Variants in BCAS3 observed in about 807,000 individuals in gnomAD.
The protein encoded by BCAS3 is BCAS3 microtubule associated cell migration factor.
A neutral mutation model predicts 116.1 loss-of-function variants in BCAS3; 53 were observed. The ratio of observed to expected loss-of-function variants is 0.46; its 90% CI spans 0.37 to 0.57. The LOEUF (loss-of-function observed/expected upper bound fraction) is 0.57, where lower values mean the gene tolerates loss of function less well. Among genes scored for constraint, BCAS3 ranks in the 20% least tolerant of loss-of-function variants. BCAS3 has a pLI of 0.00. For synonymous variants in BCAS3, 391 were observed against 408.2 expected, an observed-to-expected ratio of 0.96 and a Z score of 0.51; for missense variants, 917 against 1,165.4, an observed-to-expected ratio of 0.79 and a Z score of 3.10.
intron 23 of BCAS3, among the ~76,000 whole-genome samples, chr17:61,372,022 GC>G (rs1392948534): frequency 2.6e-5 from 4 of 152,144 alleles, no homozygotes; most frequent in Admixed American, 6.6e-5. Flanking sequence ...ATATCCTTCT[GC>G]CCCTTGCCCC....
At chr17:61,375,212 C>T (rs2059271171) in intron 23 of BCAS3, among the ~76,000 whole-genome samples, 1 of 84,836 alleles carries the variant, frequency 1.2e-5, no homozygotes, top group Non-Finnish European at 2.7e-5. Context: ...GACCTAAAAG[C>T]ACTATTTGTG....
In BCAS3 at chr17:61,220,972, C is replaced by A. The variant is rs891790551; in HGVS notation, c.2425+136408C>A. ...AAAATTAGCTGGGCATGGTGGCGGGCGCCTGTAGTCCCAGCTATTTGGGAG... is the reference window on the plus strand; with the variant it reads ...AAAATTAGCTGGGCATGGTGGCGGGAGCCTGTAGTCCCAGCTATTTGGGAG... On this transcript the variant is annotated intron_variant, in intron 22 of 23. Coordinates refer to ENST00000407086, the MANE Select transcript of BCAS3 (RefSeq NM_017679.5). This position sits in a 1 kb window ranked among gnomAD's most constrained non-coding sequence, Gnocchi z 4.5. 6.6e-6 allele frequency among the ~76,000 whole-genome samples: 1 copy of A among 152,054 alleles called. No homozygotes were observed. Among genetic ancestry groups the A allele is most frequent in the Non-Finnish European group, 1.5e-5 (1 of 68,014 alleles).
rs1424915425 is a variant in BCAS3, at chr17:61,241,914, A to G, written c.2426-126413A>G. Among the ~76,000 whole-genome samples, 1 of 152,102 alleles carries G rather than the reference A, an allele frequency of 6.6e-6. No homozygotes were observed. The highest frequency in any genetic ancestry group is 1.9e-4 in the East Asian group (1 of 5,184). ...TTTTCTTGTTTGTTTGTTGTTTACT[A>G]AAGAGGAATCATTTCTCAGTGTTAA... On this transcript the variant is annotated intron_variant, in intron 22 of 23. Transcript: ENST00000407086. This position sits in a 1 kb window ranked among gnomAD's most constrained non-coding sequence, Gnocchi z 4.6.
intron 22 of BCAS3, among the ~76,000 whole-genome samples, chr17:61,247,120 G>T (rs1355928685): frequency 6.6e-6 from 1 of 152,070 alleles, no homozygotes; most frequent in Non-Finnish European, 1.5e-5. Flanking sequence ...TATCACAGAT[G>T]AATACATCAG....
chr17:61,323,198 A>G lies in BCAS3; in HGVS notation c.2426-45129A>G, dbSNP rs1402751922. Reference sequence around the variant, plus strand: ...CACGGGCCAGATTGTTCATTTCACAAAGGGGAGGCTTTTAAAAATGAGAAG... The same window carrying G: ...CACGGGCCAGATTGTTCATTTCACAGAGGGGAGGCTTTTAAAAATGAGAAG... On this transcript the variant is annotated intron_variant, in intron 22 of 23. Transcript: ENST00000407086. This position sits in a 1 kb window ranked among gnomAD's most constrained non-coding sequence, Gnocchi z 4.6. 6.6e-6 allele frequency among the ~76,000 whole-genome samples: 1 copy of G among 152,118 alleles called. No individual in the cohort carries two copies. The highest frequency in any genetic ancestry group is 1.5e-5 in the Non-Finnish European group (1 of 68,014).
In BCAS3 at chr17:61,258,229, A is replaced by G. The variant is rs987098665; in HGVS notation, c.2426-110098A>G. ...TGTCTTTAATAGTCATTGCCCTCTT[A>G]TGGGACTTACCATGTTTCGCCTGAT... On this transcript the variant is annotated intron_variant, in intron 22 of 23. Coordinates refer to ENST00000407086, the MANE Select transcript of BCAS3 (RefSeq NM_017679.5). The surrounding 1 kb of genome is among the most constrained non-coding windows in gnomAD (Gnocchi z 4.7). 1.3e-5 allele frequency among the ~76,000 whole-genome samples: 2 copies of G among 152,172 alleles called. No individual in the cohort carries two copies.
chr17:61,045,641 C>T (rs926680996), intron 19 of BCAS3, among the ~76,000 whole-genome samples: 1 of 148,366 alleles, frequency 6.7e-6, no homozygotes, highest in African/African-American at 2.5e-5. Flanking sequence ...CATGACGAAA[C>T]CCCATCTCTA....
Position 60,754,100 on chromosome 17 carries a change from A to G in BCAS3, c.403+6821A>G, listed in dbSNP as rs185689810. ...GCCCATGCTGGAGTGCAGTGGCACAATCATGGCTCACTGCAGCCTTGACCT... is the reference window on the plus strand; with the variant it reads ...GCCCATGCTGGAGTGCAGTGGCACAGTCATGGCTCACTGCAGCCTTGACCT... On this transcript the variant is annotated intron_variant, in intron 6 of 23. Coordinates refer to ENST00000407086, the MANE Select transcript of BCAS3 (RefSeq NM_017679.5). 7.4e-4 allele frequency among the ~76,000 whole-genome samples: 112 copies of G among 152,130 alleles called. 1 individual carries two copies. Among genetic ancestry groups the G allele is most frequent in the Admixed American group, 3.3e-3 (50 of 15,266 alleles).
At position 61,026,528 on chromosome 17, in the gene BCAS3, C is replaced by T. The variant is rs2066257077; in HGVS notation, c.1638-8138C>T. Among the ~76,000 whole-genome samples the T allele has an allele frequency of 6.6e-6, 1 of 152,040 alleles. No homozygotes were observed. Among genetic ancestry groups the T allele is most frequent in the Non-Finnish European group, 1.5e-5 (1 of 67,936 alleles). On this transcript the variant is annotated intron_variant, in intron 16 of 23. Transcript: ENST00000407086. This position sits in a 1 kb window ranked among gnomAD's most constrained non-coding sequence, Gnocchi z 5.0. ...ATTTGTTGCTATTGATCTCACTCTT[C>T]TCCATCTGGTTATTCCATTTAACTT...
intron 19 of BCAS3, among the ~76,000 whole-genome samples, chr17:61,060,469 A>G (rs1248026664): frequency 6.6e-6 from 1 of 152,110 alleles, no homozygotes; most frequent in South Asian, 2.1e-4. Context: ...GATGATACAT[A>G]TAGTGTTATG....
At chr17:60,808,561 T>C (rs1258492463) in intron 7 of BCAS3, among the ~76,000 whole-genome samples, 1 of 152,228 alleles carries the variant, frequency 6.6e-6, no homozygotes, top group Admixed American at 6.5e-5. Flanking sequence ...CATGGAGTCT[T>C]GATTATTGTT....
At position 61,015,861 on chromosome 17, in the gene BCAS3, A is replaced by G; in HGVS notation, c.1597A>G (p.Lys533Glu). The G allele has an allele frequency of 6.2e-7, 1 of 1,614,124 alleles. No homozygotes were observed. The highest frequency in any genetic ancestry group is 8.5e-7 in the Non-Finnish European group (1 of 1,179,974). Residue 533 changes from lysine to glutamate, a missense_variant, in exon 16 of 24, where the codon AAG (lysine) becomes GAG (glutamate). Physicochemically the swap from Lys to Glu is moderately conservative, Grantham distance 56. Around this residue, in one of 3 missense-constraint regions of BCAS3, gnomAD observed 807 missense variants for 1,026.0 expected, o/e 0.79. Transcript: ENST00000407086. ...LMVVMPLAQIKQPMTLGTITK... is the reference protein window; with the variant it reads ...LMVVMPLAQIEQPMTLGTITK... Reference sequence around the variant, plus strand: ...GGTAGTGATGCCTCTTGCACAAATCAAGCAGCCAATGACATTGGGGACCAT... The same window carrying G: ...GGTAGTGATGCCTCTTGCACAAATCGAGCAGCCAATGACATTGGGGACCAT...
rs79385390 is a variant in BCAS3, at chr17:61,173,605, T to G, written c.2425+89041T>G. On this transcript the variant is annotated intron_variant, in intron 22 of 23. Transcript: ENST00000407086. Reference sequence around the variant, plus strand: ...AAATCAGTGGCCTCACCTCTCATCTTAAAAAAACTATATAATATGGCCCAG... The same window carrying G: ...AAATCAGTGGCCTCACCTCTCATCTGAAAAAAACTATATAATATGGCCCAG... Among the ~76,000 whole-genome samples, 131 of 152,182 alleles carry G rather than the reference T, an allele frequency of 8.6e-4. 1 individual carries two copies. The highest frequency in any genetic ancestry group is 3.1e-3 in the African/African-American group (127 of 41,532).
In BCAS3 at chr17:61,208,832, A is replaced by G. The variant is rs1402870182; in HGVS notation, c.2425+124268A>G. Among the ~76,000 whole-genome samples, 4 of 151,808 alleles carry G rather than the reference A, an allele frequency of 2.6e-5. No individual in the cohort carries two copies. Among genetic ancestry groups the G allele is most frequent in the Non-Finnish European group, 5.9e-5 (4 of 67,982 alleles). On this transcript the variant is annotated intron_variant, in intron 22 of 23. Transcript: ENST00000407086. This position sits in a 1 kb window ranked among gnomAD's most constrained non-coding sequence, Gnocchi z 4.5. ...ACTTGCAGTGCAAGTCTATGATATA[A>G]GTGGTGTAGAGTGGTTTTGTTGCTA...
chr17:61,097,716 C>T lies in BCAS3; in HGVS notation c.2425+13152C>T, dbSNP rs940962575. ...CTGTGCTAGGTCTTGCCACATGTCT[C>T]ATCTCATTTAATCTTCTTTAATTAG... On this transcript the variant is annotated intron_variant, in intron 22 of 23. Coordinates refer to ENST00000407086, the MANE Select transcript of BCAS3 (RefSeq NM_017679.5). This position sits in a 1 kb window ranked among gnomAD's most constrained non-coding sequence, Gnocchi z 4.0. 5.3e-5 allele frequency among the ~76,000 whole-genome samples: 8 copies of T among 152,148 alleles called. No individual in the cohort carries two copies. The highest frequency in any genetic ancestry group is 1.3e-4 in the Admixed American group (2 of 15,276).
At chr17:61,024,896 A>T (rs1366670877) in intron 16 of BCAS3, among the ~76,000 whole-genome samples, 2 of 152,088 alleles carry the variant, frequency 1.3e-5, no homozygotes, top group Non-Finnish European at 2.9e-5. Context: ...ATAAATCAAT[A>T]TGCTGATGTT....
intron 9 of BCAS3, among the ~76,000 whole-genome samples, chr17:60,875,980 A>T (rs2055569679): frequency 6.6e-6 from 1 of 152,196 alleles, no homozygotes; most frequent in East Asian, 1.9e-4. Context: ...ACATTATAGA[A>T]TTTAATTTGT....
intron 6 of BCAS3, among the ~76,000 whole-genome samples, chr17:60,765,461 G>A (rs964827109): frequency 7.2e-5 from 11 of 152,068 alleles, no homozygotes; most frequent in African/African-American, 1.2e-4. Flanking sequence ...GCTTAGTTTG[G>A]CTGGATATGA....
chr17:60,767,750 A>G (rs2044263927), intron 6 of BCAS3, among the ~76,000 whole-genome samples: 1 of 152,028 alleles, frequency 6.6e-6, no homozygotes, highest in Non-Finnish European at 1.5e-5. Context: ...TTACATTGAT[A>G]TCTGTGCATC....
Sources: gnomAD v4.1 joint callset for allele counts (sites outside exome capture counted in the v4.1 genomes callset) on GRCh38, gnomAD v4.1.1 for gene constraint, gnomAD v4.1.1 regional missense constraint, Gnocchi (gnomAD v3.1) non-coding constraint, MANE v1.5 for transcripts, NCBI Gene and HGNC (gene_info 2026-07-23, HGNC 2026-07-21) for gene names.